The following SMIM31 variants were observed in gnomAD, a reference collection of about 807,000 sequenced individuals.
The protein encoded by SMIM31 is human epithelial cell program regulator.
At chr4:164,762,662 C>CAAAAAAAAAAAAAAAAAAAAAAGAAAA in intron 1 of SMIM31, among the ~76,000 whole-genome samples, 1 of 100,116 alleles carries the variant, frequency 1.0e-5, no homozygotes, top group Non-Finnish European at 2.0e-5. Context: ...GACTCTGTCT[C>CAAAAAAAAAAAAAAAAAAAAAAGAAAA]AAAAAAAAAA....
chr4:164,800,806 C>T (rs1164181752), intron 2 of SMIM31, among the ~76,000 whole-genome samples: 3 of 152,106 alleles, frequency 2.0e-5, no homozygotes, highest in African/African-American at 7.2e-5. Flanking sequence ...ATCTTAATGC[C>T]TCTTAGTTCA....
At chr4:164,756,652 C>T (rs754824976) in intron 1 of SMIM31, among the ~76,000 whole-genome samples, 5 of 151,818 alleles carry the variant, frequency 3.3e-5, no homozygotes, top group Non-Finnish European at 2.9e-5. Flanking sequence ...ATGCTCTTTC[C>T]TTTTACCTAA....
chr4:164,787,525 T>TA (rs1028198502), intron 2 of SMIM31: 46 of 147,712 alleles, frequency 3.1e-4, no homozygotes, highest in African/African-American at 1.2e-3. Context: ...TTTTCAAAGT[T>TA]AAAAATAAAC....
At position 164,765,624 on chromosome 4, in the gene SMIM31, GAA is replaced by G. The variant is rs200574845; in HGVS notation, c.-25-4778_-25-4777del. ...AAGAAGGAAGGGATACTTTGTCTCA[GAA>G]AAAAAAAAAAAAAAAAGGCAGATAA... On this transcript the variant is annotated intron_variant, in intron 1 of 2. Transcript: ENST00000507311. 3.3e-3 allele frequency among the ~76,000 whole-genome samples: 309 copies of G among 94,500 alleles called. 5 individuals are homozygous for G. The highest frequency in any genetic ancestry group is 0.01 in the African/African-American group (293 of 29,234). The allele number at this position is 94,500 out of a possible 152,430, so 62.0% of individuals were successfully genotyped here. A position where few individuals can be genotyped will look rare whatever the true frequency, so the allele number is the denominator to read the frequency against.
intron 2 of SMIM31, among the ~76,000 whole-genome samples, chr4:164,774,740 T>C (rs768014337): frequency 2.1e-4 from 32 of 152,204 alleles, no homozygotes; most frequent in South Asian, 4.1e-4. Context: ...TAACATAATT[T>C]TATTTTCATT....
At chr4:164,776,396 A>G (rs1226561959) in intron 2 of SMIM31, among the ~76,000 whole-genome samples, 1 of 152,178 alleles carries the variant, frequency 6.6e-6, no homozygotes, top group Non-Finnish European at 1.5e-5. Flanking sequence ...GCTGTTTGCA[A>G]GAAGGCACTG....
At chr4:164,799,806 A>T (rs1275367546) in intron 2 of SMIM31, among the ~76,000 whole-genome samples, 1 of 152,256 alleles carries the variant, frequency 6.6e-6, no homozygotes, top group East Asian at 1.9e-4. Flanking sequence ...AAGCATTTAA[A>T]ACACAGTCTG....
chr4:164,788,836 G>A (rs1733064065), intron 2 of SMIM31, among the ~76,000 whole-genome samples: 1 of 151,274 alleles, frequency 6.6e-6, no homozygotes, highest in Non-Finnish European at 1.5e-5. Flanking sequence ...TGAAAAACAT[G>A]TGCTATATTT....
chr4:164,762,662 CAAAAAAA>C (rs1162067333), intron 1 of SMIM31, among the ~76,000 whole-genome samples: 10 of 100,116 alleles, frequency 1.0e-4, no homozygotes, highest in Admixed American at 2.3e-4. Flanking sequence ...GACTCTGTCT[CAAAAAAA>C]AAAAAAAAAA....
At position 164,796,368 on chromosome 4, in the gene SMIM31, CT is replaced by C. The variant is rs1171904480; in HGVS notation, c.113-4722del. Among the ~76,000 whole-genome samples the C allele has an allele frequency of 2.6e-5, 4 of 152,188 alleles. No homozygotes were observed. The East Asian group carries it at 5.8e-4, about 22-fold the overall frequency. Reference sequence around the variant, plus strand: ...CCTCTTGGTTCCCCCTCTACCTCCCCTATCAGTCCTTGTGTGCCTCCTTTGC... The same window carrying C: ...CCTCTTGGTTCCCCCTCTACCTCCCCATCAGTCCTTGTGTGCCTCCTTTGC... On this transcript the variant is annotated intron_variant, in intron 2 of 2. Coordinates refer to ENST00000507311, the MANE Select transcript of SMIM31 (RefSeq NM_001352885.1).
At chr4:164,780,655 ACT>A (rs1732937951) in intron 2 of SMIM31, among the ~76,000 whole-genome samples, 1 of 152,196 alleles carries the variant, frequency 6.6e-6, no homozygotes, top group African/African-American at 2.4e-5. Flanking sequence ...ATTATCAAAC[ACT>A]GTTTTTATAA....
chr4:164,786,872 A>AAAACATTT (rs1158682347), intron 2 of SMIM31, among the ~76,000 whole-genome samples: 4 of 152,238 alleles, frequency 2.6e-5, no homozygotes, highest in Admixed American at 2.6e-4. Flanking sequence ...ATAGGATGCA[A>AAAACATTT]AAACATTTAA....
intron 2 of SMIM31, among the ~76,000 whole-genome samples, chr4:164,797,818 A>C (rs1194539981): frequency 3.3e-5 from 5 of 152,086 alleles, no homozygotes; most frequent in African/African-American, 1.2e-4. Flanking sequence ...CTGGGCTTTT[A>C]GTGTACCCAT....
chr4:164,767,811 A>G (rs769308161), intron 1 of SMIM31, among the ~76,000 whole-genome samples: 2 of 152,244 alleles, frequency 1.3e-5, no homozygotes. Context: ...CCATAATCAT[A>G]GATGTCTGAC....
In SMIM31 at chr4:164,769,487, C is replaced by A. The variant is rs1373666426; in HGVS notation, c.-25-932C>A. Among the ~76,000 whole-genome samples the A allele has an allele frequency of 5.3e-5, 8 of 150,312 alleles. No homozygotes were observed. The Admixed American group carries it at 5.3e-4, about 10-fold the overall frequency. ...GAAACCATCATTCTCAGCAAACTAT[C>A]GCAAGGACAAAAAAACCAAACACCG... is the stretch of plus-strand genomic sequence containing the variant. On this transcript the variant is annotated intron_variant, in intron 1 of 2. Transcript: ENST00000507311.
Position 164,775,783 on chromosome 4 carries a change from A to G in SMIM31, c.112+5228A>G, listed in dbSNP as rs146237439. Among the ~76,000 whole-genome samples, 14 of 152,260 alleles carry G rather than the reference A, an allele frequency of 9.2e-5. No individual in the cohort carries two copies. The East Asian group carries it at 2.5e-3, about 27-fold the overall frequency. On this transcript the variant is annotated intron_variant, in intron 2 of 2. Coordinates refer to ENST00000507311, the MANE Select transcript of SMIM31 (RefSeq NM_001352885.1). ...CAATGGCTCACTAGAAAAGAATCTC[A>G]TTAGGGGCTCTAGCTCAGGGATGTT...
chr4:164,800,475 T>C (rs1453458888), intron 2 of SMIM31, among the ~76,000 whole-genome samples: 1 of 152,216 alleles, frequency 6.6e-6, no homozygotes, highest in Non-Finnish European at 1.5e-5. Context: ...CCCAAAGTGC[T>C]GGAATTACAG....
intron 1 of SMIM31, among the ~76,000 whole-genome samples, chr4:164,760,738 T>TAAAAAAAAAAA (rs60710008): frequency 1.2e-5 from 1 of 86,248 alleles, no homozygotes; most frequent in Non-Finnish European, 2.2e-5. Context: ...AGACTCCACC[T>TAAAAAAAAAAA]AAAAAAAAAA....
chr4:164,758,516 T>C (rs1579058811), intron 1 of SMIM31, among the ~76,000 whole-genome samples: 2 of 152,236 alleles, frequency 1.3e-5, no homozygotes, highest in East Asian at 1.9e-4. Flanking sequence ...TTTATTAAAT[T>C]GAGGAAGATC....
Sources: gnomAD v4.1 joint callset for allele counts (sites outside exome capture counted in the v4.1 genomes callset) on GRCh38, gnomAD v4.1.1 for gene constraint, MANE v1.5 for transcripts, NCBI Gene and HGNC (gene_info 2026-07-23, HGNC 2026-07-21) for gene names.